Variants in TRAF2 observed in about 807,000 individuals in gnomAD.
The protein encoded by TRAF2 is TNF receptor-associated factor 2.
In TRAF2, 6 loss-of-function variants were observed where a neutral mutation model predicts 55.6. The ratio of observed to expected loss-of-function variants is 0.11; its 90% CI spans 0.06 to 0.21. TRAF2 has a LOEUF of 0.21. Ranked by LOEUF, TRAF2 falls within the 10% of genes least tolerant of loss-of-function variation. The pLI, the probability that TRAF2 is intolerant of heterozygous loss-of-function variation, is 1.00. For synonymous variants in TRAF2, 329 were observed against 276.3 expected, an observed-to-expected ratio of 1.19 and a Z score of -1.89; for missense variants, 561 against 684.5, an observed-to-expected ratio of 0.82 and a Z score of 2.01.
intron 4 of TRAF2, among the ~76,000 whole-genome samples, chr9:136,900,880 G>A (rs1849805272): frequency 6.6e-6 from 1 of 152,198 alleles, no homozygotes; most frequent in South Asian, 2.1e-4. Flanking sequence ...GGTTATCTGA[G>A]CAGTAGCATT....
At chr9:136,908,597 C>T (rs1013453236) in intron 5 of TRAF2, among the ~76,000 whole-genome samples, 5 of 151,828 alleles carry the variant, frequency 3.3e-5, no homozygotes, top group Admixed American at 2.6e-4. Context: ...CCAGGTGCGG[C>T]GGTTCATGCC....
At chr9:136,908,595 G>A (rs896341638) in intron 5 of TRAF2, among the ~76,000 whole-genome samples, 3 of 152,082 alleles carry the variant, frequency 2.0e-5, no homozygotes, top group African/African-American at 2.4e-5. Flanking sequence ...GGCCAGGTGC[G>A]GCGGTTCATG....
intron 6 of TRAF2, among the ~76,000 whole-genome samples, chr9:136,915,647 A>G (rs757390886): frequency 2.6e-5 from 4 of 151,576 alleles, no homozygotes; most frequent in Non-Finnish European, 5.9e-5. Flanking sequence ...GGTTTCAGGG[A>G]CCCTGAGACC....
At chr9:136,899,340 A>G (rs1037546035) in intron 2 of TRAF2, among the ~76,000 whole-genome samples, 1 of 152,210 alleles carries the variant, frequency 6.6e-6, no homozygotes, top group Non-Finnish European at 1.5e-5. Flanking sequence ...AGAGCCGGCA[A>G]TACCTGAGTT....
chr9:136,884,729 T>C (rs1306612743), upstream of TRAF2, among the ~76,000 whole-genome samples: 1 of 152,200 alleles, frequency 6.6e-6, no homozygotes, highest in African/African-American at 2.4e-5. Context: ...GCTAAATTTT[T>C]TTTCCTTTTT....
intron 4 of TRAF2, chr9:136,902,211 C>T (rs17244411): frequency 2.0e-5 from 3 of 152,326 alleles, no homozygotes; most frequent in African/African-American, 4.8e-5. Context: ...CCCCCACTCC[C>T]TGCTCCTTGA....
intron 10 of TRAF2, among the ~76,000 whole-genome samples, chr9:136,924,731 G>A (rs1850478498): frequency 6.6e-6 from 1 of 152,024 alleles, no homozygotes; most frequent in Non-Finnish European, 1.5e-5. Flanking sequence ...TTCGTCGGAG[G>A]TGTCATTTAT....
At chr9:136,902,864 C>T (rs998762502) in intron 4 of TRAF2, among the ~76,000 whole-genome samples, 1 of 152,216 alleles carries the variant, frequency 6.6e-6, no homozygotes, top group African/African-American at 2.4e-5. Context: ...GCTGCCTTTC[C>T]TCCTTGATGG....
intron 10 of TRAF2, among the ~76,000 whole-genome samples, chr9:136,925,332 A>G (rs1377627573): frequency 3.3e-5 from 5 of 152,240 alleles, no homozygotes; most frequent in Non-Finnish European, 4.4e-5. Flanking sequence ...TCTCTTTGGC[A>G]AGAAAATGTC....
upstream of TRAF2, chr9:136,881,965 G>A: frequency 2.0e-6 from 2 of 985,480 alleles, no homozygotes; most frequent in Non-Finnish European, 2.4e-6. Context: ...TGCAGCACAG[G>A]GCTGACATGC....
At chr9:136,902,021 C>T (rs986319209) in intron 4 of TRAF2, 1 of 152,280 alleles carries the variant, frequency 6.6e-6, no homozygotes, top group Admixed American at 6.5e-5. Context: ...GCTTTCCTCC[C>T]TAGCACGGGG....
At chr9:136,886,921 C>T (rs867367101) in intron 1 of TRAF2, 2 of 152,436 alleles carry the variant, frequency 1.3e-5, no homozygotes, top group African/African-American at 4.8e-5. Context: ...CCTGTCGCCC[C>T]TCCACGCTCA....
intron 9 of TRAF2, among the ~76,000 whole-genome samples, chr9:136,923,105 G>C (rs570266916): frequency 2.2e-4 from 34 of 152,296 alleles, no homozygotes; most frequent in Admixed American, 2.1e-3. Context: ...TCTGTGTCTT[G>C]TTGGGTGGGA....
chr9:136,919,251 G>C (rs1469913735), intron 7 of TRAF2, among the ~76,000 whole-genome samples: 1 of 149,082 alleles, frequency 6.7e-6, no homozygotes, highest in African/African-American at 2.5e-5. Flanking sequence ...ACTAGAGACA[G>C]GGTTTCACCA....
chr9:136,909,358 G>T (rs193132134), intron 5 of TRAF2, among the ~76,000 whole-genome samples: 2 of 152,322 alleles, frequency 1.3e-5, no homozygotes, highest in African/African-American at 4.8e-5. Context: ...CCTGCCTTTG[G>T]TGGAAATGTC....
intron 10 of TRAF2, among the ~76,000 whole-genome samples, chr9:136,924,893 C>T (rs904935782): frequency 6.6e-5 from 10 of 152,034 alleles, no homozygotes; most frequent in African/African-American, 1.9e-4. Flanking sequence ...CATGCACCAC[C>T]ACGCCCAGCT....
At chr9:136,922,230 A>T (rs2131333129) in intron 9 of TRAF2, among the ~76,000 whole-genome samples, 1 of 151,832 alleles carries the variant, frequency 6.6e-6, no homozygotes, top group Middle Eastern at 3.4e-3. Context: ...CAAAACTCAC[A>T]CTCTTTCTTC....
intron 7 of TRAF2, 160 bp downstream of exon 7, chr9:136,916,775 C>G: frequency 1.4e-6 from 1 of 707,968 alleles, no homozygotes. Context: ...CCAGCTTGGT[C>G]TCTGGGCTGG....
At chr9:136,887,017 T>A (rs1337841446) in intron 1 of TRAF2, among the ~76,000 whole-genome samples, 1 of 151,792 alleles carries the variant, frequency 6.6e-6, no homozygotes, top group Non-Finnish European at 1.5e-5. Context: ...GACCCCTGAG[T>A]TTGCCAGCGC....
Sources: allele counts gnomAD v4.1 joint callset (sites outside exome capture counted in the v4.1 genomes callset), GRCh38; gene constraint gnomAD v4.1.1; transcripts MANE v1.5; gene names NCBI Gene and HGNC (gene_info 2026-07-23, HGNC 2026-07-21).